The following GALNT17 variants were observed in gnomAD, a reference collection of about 807,000 sequenced individuals.
The protein encoded by GALNT17 is UDP-GalNAc:polypeptide N-acetylgalactosaminyltransferase-like 3.
GALNT17 carries 29 observed loss-of-function variants against 63.7 expected under a neutral mutation model. The ratio of observed to expected loss-of-function variants is 0.46; its 90% confidence interval spans 0.34 to 0.62. The LOEUF is 0.62. GALNT17 is among the 20% of genes least tolerant of loss of function. GALNT17 has a pLI of 0.01. For synonymous variants in GALNT17, 305 were observed against 318.3 expected (o/e 0.96, Z 0.45); for missense variants, 603 against 799.6 (o/e 0.75, Z 2.97).
intron 5 of GALNT17, among the ~76,000 whole-genome samples, chr7:71,562,047 C>T (rs764484026): frequency 6.6e-6 from 1 of 152,010 alleles, no homozygotes; most frequent in Non-Finnish European, 1.5e-5. Context: ...TGTCCAACTC[C>T]CAGGCTCAAG....
rs140949912 is a variant in GALNT17, at chr7:71,434,475, G to A, written c.962+13370G>A. ...TCCTTGGTCTAGCAAAGGAGAGTTC[G>A]TAAAGCAATCCAGCCAGGGGCCAAG... On this transcript the variant is annotated intron_variant, in intron 5 of 10. Coordinates refer to ENST00000333538, the MANE Select transcript of GALNT17 (RefSeq NM_022479.3). 6.6e-5 allele frequency among the ~76,000 whole-genome samples: 10 copies of A among 152,232 alleles called. No homozygotes were observed. In the East Asian group the frequency reaches 7.7e-4, roughly 12 times the overall value.
intron 1 of GALNT17, among the ~76,000 whole-genome samples, chr7:71,150,874 T>A (rs1362810773): frequency 6.6e-6 from 1 of 151,232 alleles, no homozygotes; most frequent in Non-Finnish European, 1.5e-5. Context: ...GGCCCGGTAG[T>A]GTGTGCCTGT....
At chr7:71,462,109 C>T (rs1294501630) in intron 5 of GALNT17, among the ~76,000 whole-genome samples, 3 of 152,150 alleles carry the variant, frequency 2.0e-5, no homozygotes, top group Non-Finnish European at 4.4e-5. Flanking sequence ...AGAGGATTCT[C>T]CAGCTACTCA....
chr7:71,600,524 C>T (rs1233912720), intron 6 of GALNT17, among the ~76,000 whole-genome samples: 1 of 152,088 alleles, frequency 6.6e-6, no homozygotes, highest in Non-Finnish European at 1.5e-5. Context: ...CTCACAGCAA[C>T]ACCATGATGC....
chr7:71,252,448 A>G (rs1421244230), intron 1 of GALNT17, among the ~76,000 whole-genome samples: 1 of 152,072 alleles, frequency 6.6e-6, no homozygotes, highest in South Asian at 2.1e-4. Context: ...TCTCTTGAAC[A>G]TGAGAGGCGG....
intron 1 of GALNT17, among the ~76,000 whole-genome samples, chr7:71,326,245 T>A (rs1791702416): frequency 6.6e-6 from 1 of 152,036 alleles, no homozygotes; most frequent in Non-Finnish European, 1.5e-5. Context: ...ATCGCTTGAG[T>A]CCAGGAGTTT....
At chr7:71,201,652 G>T (rs1167313724) in intron 1 of GALNT17, among the ~76,000 whole-genome samples, 2 of 145,604 alleles carry the variant, frequency 1.4e-5, no homozygotes, top group Non-Finnish European at 3.0e-5. Context: ...AGTTTTTTGA[G>T]ATGGAGTCTC....
At chr7:71,693,500 A>G (rs182966727) in intron 9 of GALNT17, among the ~76,000 whole-genome samples, 1 of 152,116 alleles carries the variant, frequency 6.6e-6, no homozygotes, top group African/African-American at 2.4e-5. Flanking sequence ...TGTCCTTTGC[A>G]GGGACATGGA....
chr7:71,690,111 G>A (rs540037357), intron 9 of GALNT17, among the ~76,000 whole-genome samples: 7 of 149,638 alleles, frequency 4.7e-5, no homozygotes, highest in East Asian at 4.0e-4. Flanking sequence ...TGCAATCTCC[G>A]ACTCCTGGGT....
At chr7:71,178,038 C>A (rs1788669800) in intron 1 of GALNT17, among the ~76,000 whole-genome samples, 1 of 152,062 alleles carries the variant, frequency 6.6e-6, no homozygotes, top group Non-Finnish European at 1.5e-5. Flanking sequence ...CCTGAGATAC[C>A]ATCTAGAGTC....
chr7:71,242,629 A>G (rs949395694), intron 1 of GALNT17, among the ~76,000 whole-genome samples: 6 of 152,132 alleles, frequency 3.9e-5, no homozygotes, highest in African/African-American at 4.8e-5. Flanking sequence ...TTCACCTCCT[A>G]TCTGCCACAG....
intron 9 of GALNT17, among the ~76,000 whole-genome samples, chr7:71,709,709 C>T (rs1383199036): frequency 6.6e-6 from 1 of 152,086 alleles, no homozygotes; most frequent in Non-Finnish European, 1.5e-5. Context: ...AGCAATTCTC[C>T]TGCCTCAGCC....
In GALNT17 at chr7:71,670,151, A is replaced by C. The variant is rs760373859; in HGVS notation, c.1404+42A>C. ...ATGCTTTTGGCTTGGAATGCTGTTC[A>C]ATATGCTGTGGGTTGCTTCGCTGGG... On this transcript the variant is annotated intron_variant, in intron 8 of 10. Transcript: ENST00000333538. 3.7e-6 allele frequency: 6 copies of C among 1,613,022 alleles called. No individual in the cohort carries two copies. The South Asian group carries it at 5.5e-5, about 15-fold the overall frequency.
At chr7:71,706,852 T>G (rs1202210261) in intron 9 of GALNT17, among the ~76,000 whole-genome samples, 2 of 152,214 alleles carry the variant, frequency 1.3e-5, no homozygotes, top group African/African-American at 4.8e-5. Flanking sequence ...GAGCCACTCC[T>G]GTCCCTGAGC....
chr7:71,521,089 G>A (rs1788522540), intron 5 of GALNT17, among the ~76,000 whole-genome samples: 1 of 152,210 alleles, frequency 6.6e-6, no homozygotes, highest in African/African-American at 2.4e-5. Flanking sequence ...AATTCTGGAT[G>A]TGTGTGCCAT....
chr7:71,541,033 G>C (rs1336312683), intron 5 of GALNT17, among the ~76,000 whole-genome samples: 3 of 152,142 alleles, frequency 2.0e-5, no homozygotes, highest in Admixed American at 1.3e-4. Flanking sequence ...GAGGCCAGGA[G>C]TTTGAGACCA....
chr7:71,198,069 G>C (rs1233036107), intron 1 of GALNT17, among the ~76,000 whole-genome samples: 1 of 151,826 alleles, frequency 6.6e-6, no homozygotes, highest in Non-Finnish European at 1.5e-5. Context: ...GTGGTGGCGG[G>C]CTCCTGTAAT....
At chr7:71,537,632 C>T (rs898199883) in intron 5 of GALNT17, among the ~76,000 whole-genome samples, 1 of 151,912 alleles carries the variant, frequency 6.6e-6, no homozygotes, top group Non-Finnish European at 1.5e-5. Flanking sequence ...ACCAACATGG[C>T]GAAACCCTGT....
At chr7:71,551,755 C>G (rs527492699) in intron 5 of GALNT17, among the ~76,000 whole-genome samples, 39 of 98,280 alleles carry the variant, frequency 4.0e-4, no homozygotes, top group African/African-American at 1.2e-3. Context: ...GAGACCCTGT[C>G]TCAAAAAAAA....
Sources: allele counts gnomAD v4.1 joint callset (sites outside exome capture counted in the v4.1 genomes callset), GRCh38; gene constraint gnomAD v4.1.1; transcripts MANE v1.5; gene names NCBI Gene and HGNC (gene_info 2026-07-23, HGNC 2026-07-21).